Variants in CLRN3 observed in about 807,000 individuals in gnomAD.
CLRN3 encodes the protein clarin-3.
CLRN3 carries 12 observed loss-of-function variants against 16.7 expected under a neutral mutation model. The ratio of observed to expected loss-of-function variants is 0.72; its 90% CI spans 0.46 to 1.16. The LOEUF (loss-of-function observed/expected upper bound fraction) is 1.16, where lower values mean the gene tolerates loss of function less well. CLRN3 is among the 50% of genes most tolerant of loss of function. The pLI is 0.00. For missense variants in CLRN3, 296 were observed against 274.2 expected, an observed-to-expected ratio of 1.08 and a Z score of -0.56; for synonymous variants, 118 against 113.0, an observed-to-expected ratio of 1.04 and a Z score of -0.28.
At chr10:127,886,058 TA>T (rs1479885576) in intron 1 of CLRN3, among the ~76,000 whole-genome samples, 1 of 151,868 alleles carries the variant, frequency 6.6e-6, no homozygotes, top group Non-Finnish European at 1.5e-5. Flanking sequence ...CCCGGCCTTT[TA>T]AAAAATGTTC....
chr10:127,890,836 G>A (rs968112959), intron 1 of CLRN3, among the ~76,000 whole-genome samples: 1 of 152,202 alleles, frequency 6.6e-6, no homozygotes, highest in Non-Finnish European at 1.5e-5. Flanking sequence ...CCCTGTCTGA[G>A]AGAACTGCTT....
intron 1 of CLRN3, among the ~76,000 whole-genome samples, chr10:127,885,844 C>T (rs1845187913): frequency 6.6e-6 from 1 of 152,240 alleles, no homozygotes; most frequent in Admixed American, 6.5e-5. Flanking sequence ...CAACCTCCGC[C>T]TCCCGGGTTC....
Position 127,892,591 on chromosome 10 carries a change from C to T in CLRN3, c.194G>A (p.Ser65Asn), listed in dbSNP as rs531791079. 6.8e-5 allele frequency: 109 copies of T among 1,610,616 alleles called. 3 individuals carry two copies. The South Asian group carries it at 1.2e-3, about 17-fold the overall frequency. Residue 65 changes from serine (S) to asparagine (N), a missense_variant, in exon 1 of 3, where the codon AGT becomes AAT. Transcript: ENST00000368671. Reference protein sequence around the residue: ...LFRGESSEELSHGLAEPKKKF... With the variant: ...LFRGESSEELNHGLAEPKKKF... ...TTTCTTTGGTTCTGCAAGTCCGTGA[C>T]TCAATTCTTCACTACTCTCCCCACG... is the stretch of plus-strand genomic sequence containing the variant.
chr10:127,888,006 C>A (rs1341887275), intron 1 of CLRN3, among the ~76,000 whole-genome samples: 1 of 152,202 alleles, frequency 6.6e-6, no homozygotes, highest in Non-Finnish European at 1.5e-5. Flanking sequence ...TGAGAGCCAT[C>A]CGGACATCTG....
At position 127,883,293 on chromosome 10, in the gene CLRN3, CAT is replaced by C. The variant is rs546064537; in HGVS notation, c.409+401_409+402del. ...TCATGTGTGTGTGTGTGTGTGTGCA[CAT>C]GTGTGTGTGCATGCGTGTGCATGTG... is the stretch of plus-strand genomic sequence containing the variant. On this transcript the variant is annotated intron_variant, in intron 2 of 2. Coordinates refer to ENST00000368671, the MANE Select transcript of CLRN3 (RefSeq NM_152311.5). Among the ~76,000 whole-genome samples the C allele has an allele frequency of 2.1e-4, 32 of 151,014 alleles. No homozygotes were observed. In the East Asian group the frequency reaches 5.8e-3, roughly 28 times the overall value.
chr10:127,880,397 G>T (rs942345823), intron 2 of CLRN3, among the ~76,000 whole-genome samples: 3 of 147,898 alleles, frequency 2.0e-5, no homozygotes, highest in Non-Finnish European at 4.5e-5. Flanking sequence ...GGGACAGAAG[G>T]ATTTATAGGG....
intron 2 of CLRN3, among the ~76,000 whole-genome samples, chr10:127,882,021 T>C (rs557702818): frequency 6.6e-6 from 1 of 152,306 alleles, no homozygotes; most frequent in South Asian, 2.1e-4. Flanking sequence ...TACCAATTGG[T>C]TTACCTTGGT....
At chr10:127,887,996 T>C (rs1365339806) in intron 1 of CLRN3, among the ~76,000 whole-genome samples, 1 of 152,174 alleles carries the variant, frequency 6.6e-6, no homozygotes, top group African/African-American at 2.4e-5. Context: ...TGGGCGCCCA[T>C]GAGAGCCATC....
At chr10:127,888,481 G>C (rs1278562716) in intron 1 of CLRN3, among the ~76,000 whole-genome samples, 1 of 152,160 alleles carries the variant, frequency 6.6e-6, no homozygotes, top group African/African-American at 2.4e-5. Context: ...ATGAATTCTG[G>C]AGAAATAAAC....
chr10:127,888,467 C>T (rs997247778), intron 1 of CLRN3, among the ~76,000 whole-genome samples: 3 of 152,204 alleles, frequency 2.0e-5, no homozygotes, highest in African/African-American at 7.2e-5. Flanking sequence ...GGTGGGGGCT[C>T]TTTATGAATT....
chr10:127,886,962 C>T (rs1845202408), intron 1 of CLRN3, among the ~76,000 whole-genome samples: 1 of 152,194 alleles, frequency 6.6e-6, no homozygotes, highest in African/African-American at 2.4e-5. Context: ...ACGGGTGGGG[C>T]CTGCTGGGCC....
chr10:127,878,212 G>T lies in CLRN3; in HGVS notation c.618C>A (p.Tyr206Ter). 6.2e-7 allele frequency: 1 copy of T among 1,614,176 alleles called. No individual in the cohort carries two copies. Among genetic ancestry groups the T allele is most frequent in the Non-Finnish European group, 8.5e-7 (1 of 1,180,004 alleles). Reference protein sequence around the residue: ...TIIIFYQKARYQRKQEQRKPM... With the variant: ...TIIIFYQKAR ...GCTTTCTCTGCTCCTGCTTCCGCTG[G>T]TATCTGGCCTTCTGGTAGAAAATGA... Residue 206 changes from tyrosine (Y) to a stop codon, truncating the protein, a stop_gained, in exon 3 of 3, where the codon TAC becomes TAA. Coordinates refer to ENST00000368671, the MANE Select transcript of CLRN3 (RefSeq NM_152311.5). LOFTEE classifies it high-confidence loss of function.
chr10:127,892,751 A>C lies in CLRN3; in HGVS notation c.34T>G (p.Ser12Ala), dbSNP rs539370192. 6.2e-7 allele frequency: 1 copy of C among 1,613,142 alleles called. No individual in the cohort carries two copies. The highest frequency in any genetic ancestry group is 1.1e-5 in the South Asian group (1 of 91,076). The change falls in exon 1 of 3, where the codon TCA becomes GCA. Residue 12 changes from serine (S) to alanine (A), a missense_variant. Ser to Ala is a moderately conservative substitution (Grantham distance 99). Coordinates refer to ENST00000368671, the MANE Select transcript of CLRN3 (RefSeq NM_152311.5). ...PTTKKTLMFL[S>A]SFFTSLGSFI... ...GACCCAAGGCTGGTGAAAAAGCTTG[A>C]TAAGAACATCAATGTCTTCTTTGTG...
intron 2 of CLRN3, among the ~76,000 whole-genome samples, chr10:127,880,292 G>A (rs1564777680): frequency 6.6e-6 from 1 of 152,100 alleles, no homozygotes; most frequent in Non-Finnish European, 1.5e-5. Context: ...GATTTGAATG[G>A]GGAGGGGCCG....
chr10:127,881,135 C>T (rs938635395), intron 2 of CLRN3, among the ~76,000 whole-genome samples: 4 of 152,178 alleles, frequency 2.6e-5, no homozygotes, highest in Non-Finnish European at 4.4e-5. Context: ...CATCAGAATG[C>T]AATCTGCTCC....
chr10:127,880,143 C>A (rs576847432), intron 2 of CLRN3, among the ~76,000 whole-genome samples: 85 of 152,346 alleles, frequency 5.6e-4, no homozygotes, highest in African/African-American at 2.0e-3. Context: ...CCCTGACCCT[C>A]TGAAGCTCTC....
intron 1 of CLRN3, among the ~76,000 whole-genome samples, chr10:127,891,228 T>C (rs1845254672): frequency 6.6e-6 from 1 of 152,258 alleles, no homozygotes; most frequent in Non-Finnish European, 1.5e-5. Flanking sequence ...TGACACATCC[T>C]GGCCTCCTCT....
chr10:127,882,817 A>G (rs1409213644), intron 2 of CLRN3, among the ~76,000 whole-genome samples: 1 of 152,152 alleles, frequency 6.6e-6, no homozygotes, highest in East Asian at 1.9e-4. Flanking sequence ...TTTCCTTAGG[A>G]CAGGCTTCAT....
intron 1 of CLRN3, among the ~76,000 whole-genome samples, chr10:127,892,198 T>C (rs995421967): frequency 1.3e-5 from 2 of 152,360 alleles, no homozygotes; most frequent in East Asian, 3.9e-4. Flanking sequence ...ACAGAGGTTG[T>C]GGCTCCAGCT....
Sources: allele counts gnomAD v4.1 joint callset (sites outside exome capture counted in the v4.1 genomes callset), GRCh38; gene constraint gnomAD v4.1.1; transcripts MANE v1.5; gene names NCBI Gene and HGNC (gene_info 2026-07-23, HGNC 2026-07-21).